Variants in UVRAG observed in about 807,000 individuals in gnomAD.
UVRAG encodes the protein UV radiation resistance-associated gene protein.
UVRAG carries 19 observed loss-of-function variants against 78.0 expected under a neutral mutation model. The observed-to-expected ratio is 0.24, with a 90% confidence interval of 0.17 to 0.36. UVRAG has a LOEUF of 0.36. UVRAG is among the 10% of genes least tolerant of loss of function. UVRAG has a pLI of 1.00. For synonymous variants in UVRAG, 323 were observed against 324.6 expected (o/e 1.00, Z 0.05); for missense variants, 740 against 853.8 (o/e 0.87, Z 1.66).
chr11:76,059,839 G>A (rs1298053963), intron 12 of UVRAG, among the ~76,000 whole-genome samples: 1 of 152,176 alleles, frequency 6.6e-6, no homozygotes, highest in East Asian at 1.9e-4. Context: ...CGAGTTTGAG[G>A]TAAAGTCATT....
At chr11:75,956,244 C>T (rs1005529462) in intron 6 of UVRAG, among the ~76,000 whole-genome samples, 4 of 152,012 alleles carry the variant, frequency 2.6e-5, no homozygotes, top group African/African-American at 9.7e-5. Flanking sequence ...TGTAGACATA[C>T]GTTTTTTATT....
intron 13 of UVRAG, among the ~76,000 whole-genome samples, chr11:76,113,701 G>A (rs183889724): frequency 7.4e-4 from 113 of 152,212 alleles, no homozygotes; most frequent in African/African-American, 2.7e-3. Flanking sequence ...AGCGGTTCTA[G>A]CCTTGGCTTT....
At chr11:75,916,317 T>C (rs1165021535) in intron 6 of UVRAG, 1 of 152,214 alleles carries the variant, frequency 6.6e-6, no homozygotes, top group Admixed American at 6.5e-5. Flanking sequence ...CTAATATTTG[T>C]CTCTTCTATT....
At chr11:76,088,147 A>T (rs1362330480) in intron 13 of UVRAG, among the ~76,000 whole-genome samples, 1 of 152,078 alleles carries the variant, frequency 6.6e-6, no homozygotes, top group African/African-American at 2.4e-5. Flanking sequence ...AGCGATAGTG[A>T]TGGGATTACA....
At chr11:75,889,031 G>C (rs1947156118) in intron 5 of UVRAG, 128 bp downstream of exon 5, 2 of 652,136 alleles carry the variant, frequency 3.1e-6, no homozygotes, top group Non-Finnish European at 4.8e-6. Context: ...GCTTAGTGTG[G>C]CTTAAGGTGG....
At chr11:75,996,572 A>G (rs548429922) in intron 8 of UVRAG, among the ~76,000 whole-genome samples, 3 of 152,250 alleles carry the variant, frequency 2.0e-5, no homozygotes, top group African/African-American at 7.2e-5. Flanking sequence ...AACTAGGGGG[A>G]GAAGGTGAGA....
At chr11:76,028,276 C>T (rs1030930818) in intron 12 of UVRAG, among the ~76,000 whole-genome samples, 2 of 150,808 alleles carry the variant, frequency 1.3e-5, no homozygotes, top group African/African-American at 2.5e-5. Context: ...CCAGCTCTTC[C>T]CCCATCTCTC....
chr11:76,030,177 A>G (rs1037599777), intron 12 of UVRAG, among the ~76,000 whole-genome samples: 1 of 151,906 alleles, frequency 6.6e-6, no homozygotes, highest in East Asian at 1.9e-4. Context: ...GTCACTCTTT[A>G]TTGAGATACT....
chr11:75,860,192 G>A (rs1367213072), intron 2 of UVRAG, among the ~76,000 whole-genome samples: 2 of 152,212 alleles, frequency 1.3e-5, no homozygotes, highest in Non-Finnish European at 2.9e-5. Context: ...TGATCTGCCC[G>A]CCTCAGCCTC....
At chr11:75,986,197 A>G (rs1949498547) in intron 8 of UVRAG, among the ~76,000 whole-genome samples, 1 of 152,192 alleles carries the variant, frequency 6.6e-6, no homozygotes, top group South Asian at 2.1e-4. Context: ...AGAAAATGAT[A>G]TATGCCTTTG....
At chr11:75,877,239 A>G (rs937562329) in intron 3 of UVRAG, among the ~76,000 whole-genome samples, 1 of 152,136 alleles carries the variant, frequency 6.6e-6, no homozygotes, top group African/African-American at 2.4e-5. Context: ...AAAGTCTCCC[A>G]TGTCTACTTC....
intron 13 of UVRAG, among the ~76,000 whole-genome samples, chr11:76,091,183 G>T (rs763518703): frequency 8.6e-4 from 131 of 152,230 alleles, no homozygotes; most frequent in Non-Finnish European, 1.7e-3. Context: ...TGAAATCATT[G>T]TTCTATTATA....
At chr11:76,105,277 C>CACCTG (rs1172355485) in intron 13 of UVRAG, among the ~76,000 whole-genome samples, 3 of 152,090 alleles carry the variant, frequency 2.0e-5, no homozygotes, top group African/African-American at 7.2e-5. Flanking sequence ...TGGTGGTGCA[C>CACCTG]ACCTGTAGTC....
intron 12 of UVRAG, among the ~76,000 whole-genome samples, chr11:76,047,575 T>C (rs922571826): frequency 2.1e-4 from 32 of 152,200 alleles, no homozygotes. Flanking sequence ...AAAGAAAATA[T>C]TGGTTTCACC....
intron 7 of UVRAG, among the ~76,000 whole-genome samples, chr11:75,978,484 C>A (rs943041901): frequency 1.2e-4 from 18 of 152,240 alleles, no homozygotes; most frequent in African/African-American, 4.1e-4. Context: ...GTTCCATCCT[C>A]CCCATCACTT....
At chr11:75,910,947 T>C (rs1223935331) in intron 5 of UVRAG, among the ~76,000 whole-genome samples, 1 of 152,202 alleles carries the variant, frequency 6.6e-6, no homozygotes, top group Admixed American at 6.5e-5. Context: ...TTGTTAATAC[T>C]CTTTTTGAGT....
rs1946900752 is a variant in UVRAG at position 75,879,963 on chromosome 11, G to A, written c.355G>A (p.Gly119Ser). 6.2e-7 allele frequency: 1 copy of A among 1,614,040 alleles called. No homozygotes were observed. The highest frequency in any genetic ancestry group is 1.7e-5 in the Admixed American group (1 of 60,014). The change falls in exon 4 of 15, where the codon GGT (glycine) becomes AGT (serine). Residue 119 changes from glycine (G) to serine (S), a missense_variant. Physicochemically the swap from Gly to Ser is moderately conservative, Grantham distance 56. Transcript: ENST00000356136. ...GTCTTGTTTCGTGGTGAAGATATGG[G>A]GTGGAAAGGAGAACATCTACCAGCT... ...SVSCFVVKIW[G>S]GKENIYQLLI...
chr11:75,827,366 C>G (rs1945537664), intron 1 of UVRAG, among the ~76,000 whole-genome samples: 1 of 152,196 alleles, frequency 6.6e-6, no homozygotes, highest in African/African-American at 2.4e-5. Context: ...AATCCCAGCA[C>G]TGGGAGGCTG....
chr11:75,978,720 A>G (rs1282406141), intron 7 of UVRAG, among the ~76,000 whole-genome samples: 1 of 152,190 alleles, frequency 6.6e-6, no homozygotes, highest in Non-Finnish European at 1.5e-5. Flanking sequence ...CAGCTCCATC[A>G]GGTCATTTAA....
Sources: allele counts gnomAD v4.1 joint callset (sites outside exome capture counted in the v4.1 genomes callset), GRCh38; gene constraint gnomAD v4.1.1; transcripts MANE v1.5; gene names NCBI Gene and HGNC (gene_info 2026-07-23, HGNC 2026-07-21).